The following NLE1 variants were observed in gnomAD, a reference collection of about 807,000 sequenced individuals.
The protein encoded by NLE1 is notchless protein homolog 1.
In NLE1, 37 loss-of-function variants were observed where a neutral mutation model predicts 62.8. That is an observed-to-expected ratio of 0.59 (90% CI 0.45 to 0.78). The LOEUF (loss-of-function observed/expected upper bound fraction) is 0.78, where lower values mean the gene tolerates loss of function less well. Among genes scored for constraint, NLE1 ranks in the 30% least tolerant of loss-of-function variants. The pLI is 0.00. For synonymous variants in NLE1, 243 were observed against 253.0 expected, an observed-to-expected ratio of 0.96 and a Z score of 0.37; for missense variants, 555 against 637.9, an observed-to-expected ratio of 0.87 and a Z score of 1.40.
chr17:35,137,765 T>C (rs561240420), intron 5 of NLE1, 49 bp downstream of exon 5: 2 of 1,160,088 alleles, frequency 1.7e-6, no homozygotes, highest in South Asian at 2.4e-5. Context: ...AACTGTCTCC[T>C]AGGAAGGCCC....
intron 4 of NLE1, 50 bp downstream of exon 4, chr17:35,139,185 C>T (rs758673244): frequency 2.0e-6 from 3 of 1,518,462 alleles, no homozygotes; most frequent in Admixed American, 1.7e-5. Context: ...AGAGCAAGAC[C>T]TTGTCTCAAA....
In NLE1 at chr17:35,129,751, C is replaced by T; in HGVS notation, c.*2686G>A. 2 of 1,503,666 alleles carry T rather than the reference C, an allele frequency of 1.3e-6. No individual in the cohort carries two copies. Among genetic ancestry groups the T allele is most frequent in the Admixed American group, 2.3e-5 (1 of 43,522 alleles). The allele number at this position is 1,503,666 out of a possible 1,614,324, so 93.1% of individuals were successfully genotyped here. Reference sequence around the variant, plus strand: ...GAGGTTGGGAACACCCCTATGCCCACATGACTCATCTGGCTAGCTTTCCTT... The same window carrying T: ...GAGGTTGGGAACACCCCTATGCCCATATGACTCATCTGGCTAGCTTTCCTT... On this transcript the variant is annotated 3_prime_UTR_variant, in exon 13 of 13. Coordinates refer to ENST00000442241, the MANE Select transcript of NLE1 (RefSeq NM_018096.5).
intron 3 of NLE1, 89 bp downstream of exon 3, chr17:35,139,760 C>A: frequency 6.5e-7 from 1 of 1,539,370 alleles, no homozygotes; most frequent in Non-Finnish European, 8.7e-7. Flanking sequence ...CCTGAGGCCC[C>A]ATCAATTATA....
At chr17:35,140,172 C>T (rs2091934347) in intron 2 of NLE1, 106 bp from the exon 3 acceptor site, 16 of 1,324,178 alleles carry the variant, frequency 1.2e-5, no homozygotes, top group Non-Finnish European at 1.7e-5. Flanking sequence ...TTCTTCTTTT[C>T]AGCCATCGTG....
chr17:35,136,544 C>G, intron 7 of NLE1, 47 bp from the exon 8 acceptor site: 2 of 1,581,906 alleles, frequency 1.3e-6, no homozygotes, highest in Non-Finnish European at 1.7e-6. Context: ...CTCCCCACGC[C>G]TGGGCGATTA....
rs541095137 is a variant in NLE1 at position 35,129,248 on chromosome 17, G to T, written c.*3189C>A. The T allele has an allele frequency of 2.1e-5, 16 of 776,676 alleles. No homozygotes were observed. The highest frequency in any genetic ancestry group is 3.5e-5 in the African/African-American group (2 of 57,846). The allele number at this position is 776,676 out of a possible 1,614,324, so 48.1% of individuals were successfully genotyped here. A position where few individuals can be genotyped will look rare whatever the true frequency, so the allele number is the denominator to read the frequency against. On this transcript the variant is annotated 3_prime_UTR_variant, in exon 13 of 13. Transcript: ENST00000442241. The stretch of plus-strand genomic sequence containing the variant: ...TGCCCAGGAGAGTAGTACATGCTTC[G>T]GGGCAGGGGTTCCACACTCAGTGCT...
intron 4 of NLE1, among the ~76,000 whole-genome samples, 187 bp from the exon 5 acceptor site, chr17:35,138,077 GCATGGATAACAC>G (rs1316953081): frequency 1.3e-5 from 2 of 152,210 alleles, no homozygotes; most frequent in African/African-American, 4.8e-5. Flanking sequence ...GCATCTTGCT[GCATGGATAACAC>G]CATCACTCTC....
At chr17:35,138,501 TG>T (rs1303905832) in intron 4 of NLE1, among the ~76,000 whole-genome samples, 1 of 152,168 alleles carries the variant, frequency 6.6e-6, no homozygotes, top group Non-Finnish European at 1.5e-5. Flanking sequence ...TGGAGTGCAG[TG>T]GTGCCATCTC....
chr17:35,136,856 T>C, intron 7 of NLE1, 145 bp downstream of exon 7: 1 of 801,256 alleles, frequency 1.2e-6, no homozygotes, highest in Middle Eastern at 3.4e-4. Context: ...ACAGAACTCC[T>C]CATTCCCAAA....
rs1298633923 is a variant in NLE1 at position 35,139,297 on chromosome 17, G to T, written c.398C>A (p.Ser133Tyr). ...CCAGAAGCGCACGGTGGTGTCTCCA[G>T]AGCCACTGGCCAGGTACCTGGGGAA... ...SPTGKYLASG[S>Y]GDTTVRFWDL... Residue 133 changes from serine (S) to tyrosine (Y), a missense_variant, in exon 4 of 13, where the codon TCT becomes TAT. Coordinates refer to ENST00000442241, the MANE Select transcript of NLE1 (RefSeq NM_018096.5). 6.2e-7 allele frequency: 1 copy of T among 1,614,010 alleles called. No individual in the cohort carries two copies. The highest frequency in any genetic ancestry group is 2.2e-5 in the East Asian group (1 of 44,876).
intron 10 of NLE1, 111 bp downstream of exon 10, chr17:35,135,136 CAG>C: frequency 1.1e-6 from 1 of 948,442 alleles, no homozygotes; most frequent in Non-Finnish European, 1.7e-6. Flanking sequence ...AAAGAGGAAA[CAG>C]TGGCTTAGAA....
Position 35,136,444 on chromosome 17 carries a change from G to A in NLE1, c.882C>T (p.Ala294=). The part of the protein sequence containing the change: ...QGHGHWVNTM[A]LSTDYALRTG... ...TGCGCAGGGCATAGTCAGTGCTGAGGGCCATGGTGTTCACCCAGTGGCCGT... is the reference window on the plus strand; with the variant it reads ...TGCGCAGGGCATAGTCAGTGCTGAGAGCCATGGTGTTCACCCAGTGGCCGT... Residue 294 remains alanine (A), a synonymous_variant, in exon 8 of 13, where the codon GCC becomes GCT. Transcript: ENST00000442241. The A allele has an allele frequency of 1.2e-6, 2 of 1,614,122 alleles. No individual in the cohort carries two copies. Among genetic ancestry groups the A allele is most frequent in the Non-Finnish European group, 1.7e-6 (2 of 1,179,986 alleles).
In NLE1 at chr17:35,139,914, G is replaced by A; in HGVS notation, c.315C>T (p.Arg105=). The A allele has an allele frequency of 6.2e-7, 1 of 1,614,114 alleles. No individual in the cohort carries two copies. Among genetic ancestry groups the A allele is most frequent in the Non-Finnish European group, 8.5e-7 (1 of 1,180,042 alleles). The change falls in exon 3 of 13, where the codon CGC becomes CGT. Residue 105 remains arginine, a synonymous_variant. Coordinates refer to ENST00000442241, the MANE Select transcript of NLE1 (RefSeq NM_018096.5). ...QAIFRVRAVT[R]CTSSLEGHSE... ...TGTGACCCTCCAAGGAGCTGGTGCA[G>A]CGAGTCACAGCCCGGACTCTGAAGA...
intron 4 of NLE1, among the ~76,000 whole-genome samples, chr17:35,138,966 C>G (rs556204155): frequency 3.3e-5 from 5 of 152,094 alleles, no homozygotes; most frequent in Non-Finnish European, 5.9e-5. Context: ...CAGACAGCCG[C>G]CAACTGGATA....
In NLE1 at chr17:35,137,057, C is replaced by A; in HGVS notation, c.772G>T (p.Gly258Trp). 6.2e-7 allele frequency: 1 copy of A among 1,613,920 alleles called. No individual in the cohort carries two copies. Among genetic ancestry groups the A allele is most frequent in the South Asian group, 1.1e-5 (1 of 91,052 alleles). The change falls in exon 7 of 13, where the codon GGG becomes TGG. Residue 258 changes from glycine to tryptophan, a missense_variant. By Grantham distance (184) the Gly-to-Trp change is radical. Transcript: ENST00000442241. ...SVTCLRWGGDGLLYSASQDRT... is the reference protein window; with the variant it reads ...SVTCLRWGGDWLLYSASQDRT... ...TCCTGGGAGGCAGAGTAGAGAAGCCCGTCCCCTCCCCACCGGAGACAGGTG... is the reference window on the plus strand; with the variant it reads ...TCCTGGGAGGCAGAGTAGAGAAGCCAGTCCCCTCCCCACCGGAGACAGGTG...
At position 35,129,247 on chromosome 17, in the gene NLE1, C is replaced by T. The variant is rs967486366; in HGVS notation, c.*3190G>A. On this transcript the variant is annotated 3_prime_UTR_variant, in exon 13 of 13. Transcript: ENST00000442241. ...CTGCCCAGGAGAGTAGTACATGCTT[C>T]GGGGCAGGGGTTCCACACTCAGTGC... is the stretch of plus-strand genomic sequence containing the variant. 23 of 774,932 alleles carry T rather than the reference C, an allele frequency of 3.0e-5. No individual in the cohort carries two copies. Among genetic ancestry groups the T allele is most frequent in the Non-Finnish European group, 4.2e-5 (20 of 476,026 alleles). 48.0% of individuals were successfully genotyped at this position (774,932 alleles called of 1,614,324 possible). A position where few individuals can be genotyped will look rare whatever the true frequency, so the allele number is the denominator to read the frequency against.
Position 35,129,287 on chromosome 17 carries a change from C to A in NLE1, c.*3150G>T. 2 of 1,141,680 alleles carry A rather than the reference C, an allele frequency of 1.8e-6. No individual in the cohort carries two copies. The highest frequency in any genetic ancestry group is 2.5e-6 in the Non-Finnish European group (2 of 796,394). 70.7% of individuals were successfully genotyped at this position (1,141,680 alleles called of 1,614,324 possible). ...ACACTCAGTGCTGCAGTACCTTGCA[C>A]CTTCCATCTGACCTGCCTGGGCCCC... On this transcript the variant is annotated 3_prime_UTR_variant, in exon 13 of 13. Transcript: ENST00000442241.
At chr17:35,137,955 G>A in intron 4 of NLE1, 65 bp from the exon 5 acceptor site, 1 of 1,210,364 alleles carries the variant, frequency 8.3e-7, no homozygotes, top group Non-Finnish European at 1.2e-6. Context: ...GCCCAGCAGT[G>A]CCTGTCAGGT....
At position 35,130,314 on chromosome 17, in the gene NLE1, T is replaced by C. The variant is rs1310416170; in HGVS notation, c.*2123A>G. On this transcript the variant is annotated 3_prime_UTR_variant, in exon 13 of 13. Transcript: ENST00000442241. ...CCCTGGCCACTGACTTCAGCAGCTT[T>C]CCTGAGAACTACCCCATCCAGATCA... 1.2e-6 allele frequency: 2 copies of C among 1,614,022 alleles called. No individual in the cohort carries two copies. The highest frequency in any genetic ancestry group is 2.2e-5 in the South Asian group (2 of 91,082).
Sources: allele counts gnomAD v4.1 joint callset (sites outside exome capture counted in the v4.1 genomes callset), GRCh38; gene constraint gnomAD v4.1.1; transcripts MANE v1.5; gene names NCBI Gene and HGNC (gene_info 2026-07-23, HGNC 2026-07-21).